The following MGRN1 variants were observed in gnomAD, a reference collection of about 807,000 sequenced individuals.
MGRN1 encodes mahogunin ring finger 1, also known as E3 ubiquitin-protein ligase MGRN1.
In MGRN1, 29 loss-of-function variants were observed where a neutral mutation model predicts 69.2. That is an observed-to-expected ratio of 0.42 (90% CI 0.31 to 0.57). The LOEUF (loss-of-function observed/expected upper bound fraction) is 0.57, where lower values mean the gene tolerates loss of function less well. MGRN1 is among the 20% of genes least tolerant of loss of function. The pLI is 0.15. For missense variants in MGRN1, 998 were observed against 796.2 expected (o/e 1.25, Z -3.05); for synonymous variants, 470 against 344.2 (o/e 1.37, Z -4.04).
chr16:4,657,851 T>C (rs867042728), intron 5 of MGRN1, among the ~76,000 whole-genome samples: 8 of 147,484 alleles, frequency 5.4e-5, no homozygotes, highest in Non-Finnish European at 7.4e-5. Flanking sequence ...GTTCACAGCA[T>C]TCTGCCTCAG....
intron 16 of MGRN1, among the ~76,000 whole-genome samples, chr16:4,685,794 T>G (rs1052555539): frequency 6.6e-6 from 1 of 152,206 alleles, no homozygotes; most frequent in Non-Finnish European, 1.5e-5. Context: ...AGCCTTTGGT[T>G]TCTCATAGGG....
intron 8 of MGRN1, among the ~76,000 whole-genome samples, chr16:4,671,078 G>T (rs1417461080): frequency 6.6e-6 from 1 of 152,210 alleles, no homozygotes; most frequent in African/African-American, 2.4e-5. Context: ...TCCTCGTGGG[G>T]CTGGTGGTGG....
chr16:4,671,024 A>C (rs2278566), intron 8 of MGRN1, among the ~76,000 whole-genome samples: 72,721 of 152,100 alleles, frequency 0.48, 17,656 homozygotes, highest in East Asian at 0.65. Flanking sequence ...AAGCAGTGGG[A>C]ACTTAGGCTG....
At chr16:4,630,239 C>G (rs1897929022) in intron 1 of MGRN1, among the ~76,000 whole-genome samples, 1 of 150,138 alleles carries the variant, frequency 6.7e-6, no homozygotes, top group Non-Finnish European at 1.5e-5. Context: ...GTAGTCCCAG[C>G]TAATTGGGAG....
chr16:4,628,041 C>G (rs1166842187), intron 1 of MGRN1, among the ~76,000 whole-genome samples: 1 of 142,150 alleles, frequency 7.0e-6, no homozygotes, highest in Non-Finnish European at 1.5e-5. Flanking sequence ...GACTGCGCCA[C>G]TGCACTCCAG....
intron 1 of MGRN1, among the ~76,000 whole-genome samples, chr16:4,636,902 A>T (rs1201809868): frequency 1.4e-5 from 2 of 145,592 alleles, no homozygotes; most frequent in Non-Finnish European, 3.0e-5. Context: ...GGCAGATCAC[A>T]AGGTCAGGAG....
At chr16:4,655,270 A>G (rs1036288457) in intron 4 of MGRN1, among the ~76,000 whole-genome samples, 1 of 152,108 alleles carries the variant, frequency 6.6e-6, no homozygotes, top group African/African-American at 2.4e-5. Flanking sequence ...GGGCTGGGTG[A>G]CCATCTCAAG....
intron 1 of MGRN1, among the ~76,000 whole-genome samples, chr16:4,641,859 G>C (rs544024066): frequency 6.6e-6 from 1 of 152,130 alleles, no homozygotes; most frequent in African/African-American, 2.4e-5. Flanking sequence ...TCGCCATGTC[G>C]CCCAGGCTGG....
At chr16:4,628,102 T>A (rs1400798285) in intron 1 of MGRN1, among the ~76,000 whole-genome samples, 2 of 124,926 alleles carry the variant, frequency 1.6e-5, no homozygotes, top group African/African-American at 3.1e-5. Flanking sequence ...AAAAAAGAAT[T>A]GTGGGTGGGT....
chr16:4,670,175 C>A (rs570982383), intron 8 of MGRN1, among the ~76,000 whole-genome samples: 4 of 149,532 alleles, frequency 2.7e-5, no homozygotes, highest in Non-Finnish European at 5.9e-5. Flanking sequence ...AGTGATTTCT[C>A]GTTCAGGCTC....
At chr16:4,646,104 C>T (rs529514067) in intron 1 of MGRN1, among the ~76,000 whole-genome samples, 4 of 150,728 alleles carry the variant, frequency 2.7e-5, no homozygotes, top group East Asian at 3.9e-4. Flanking sequence ...GGAGCGGCTC[C>T]GTCGGGGGGC....
At chr16:4,639,353 G>C (rs2141844397) in intron 1 of MGRN1, among the ~76,000 whole-genome samples, 1 of 152,332 alleles carries the variant, frequency 6.6e-6, no homozygotes, top group African/African-American at 2.4e-5. Context: ...GGCATCCCAA[G>C]GAGGGAATAG....
At chr16:4,645,720 C>T (rs2078260852) in intron 1 of MGRN1, among the ~76,000 whole-genome samples, 1 of 152,128 alleles carries the variant, frequency 6.6e-6, no homozygotes, top group African/African-American at 2.4e-5. Flanking sequence ...GACTCCAGGG[C>T]CCCGAGGTGT....
rs1256623298 is a variant in MGRN1 at position 4,668,252 on chromosome 16, T to G, written c.679-13T>G. The G allele has an allele frequency of 6.2e-7, 1 of 1,613,666 alleles. No individual in the cohort carries two copies. Among genetic ancestry groups the G allele is most frequent in the Non-Finnish European group, 8.5e-7 (1 of 1,179,738 alleles). On this transcript the variant is annotated splice_polypyrimidine_tract_variant and intron_variant, in intron 7 of 16. Coordinates refer to ENST00000262370, the MANE Select transcript of MGRN1 (RefSeq NM_015246.4). ...CTTGACCACCTTAACCTCTTTGTCT[T>G]TCTCCCCTGCAGCACATGGACGGCA...
At chr16:4,682,343 C>G (rs1385349877) in intron 13 of MGRN1, among the ~76,000 whole-genome samples, 1 of 152,228 alleles carries the variant, frequency 6.6e-6, no homozygotes, top group African/African-American at 2.4e-5. Context: ...TTCGTGGTTC[C>G]CCTGGAGCCT....
chr16:4,681,908 G>T, intron 13 of MGRN1, 132 bp downstream of exon 13: 1 of 933,952 alleles, frequency 1.1e-6, no homozygotes, highest in South Asian at 1.8e-5. Flanking sequence ...CGGAGACCCC[G>T]TATCAGGTTA....
chr16:4,687,206 A>T (rs1406947973), intron 16 of MGRN1: 1 of 934,028 alleles, frequency 1.1e-6, no homozygotes, highest in African/African-American at 2.1e-5. Context: ...GGCATCCCCC[A>T]TCCCCCCCAA....
intron 1 of MGRN1, among the ~76,000 whole-genome samples, chr16:4,625,437 C>T (rs973267805): frequency 1.3e-5 from 2 of 152,182 alleles, no homozygotes; most frequent in African/African-American, 2.4e-5. Context: ...GACCTCACCG[C>T]GGGGGCCGGC....
chr16:4,668,432 C>T (rs2078855221), intron 8 of MGRN1, 120 bp downstream of exon 8: 1 of 921,822 alleles, frequency 1.1e-6, no homozygotes, highest in Non-Finnish European at 1.7e-6. Context: ...CATACACGCT[C>T]ATACACACTC....
Sources: allele counts gnomAD v4.1 joint callset (sites outside exome capture counted in the v4.1 genomes callset), GRCh38; gene constraint gnomAD v4.1.1; transcripts MANE v1.5; gene names NCBI Gene and HGNC (gene_info 2026-07-23, HGNC 2026-07-21).